The following UBXN2A variants were observed in gnomAD, a reference collection of about 807,000 sequenced individuals.
UBXN2A encodes the protein UBX domain protein 2A, also known as UBX domain-containing protein 2A.
In UBXN2A, 28 loss-of-function variants were observed where a neutral mutation model predicts 28.4. That is an observed-to-expected ratio of 0.99 (90% CI 0.73 to 1.35). The LOEUF (loss-of-function observed/expected upper bound fraction) is 1.35, where lower values mean the gene tolerates loss of function less well. Ranked by LOEUF, UBXN2A falls within the 40% of genes most tolerant of loss-of-function variation. The pLI, the probability that UBXN2A is intolerant of heterozygous loss-of-function variation, is 0.00. For synonymous variants in UBXN2A, 97 were observed against 103.6 expected (o/e 0.94, Z 0.39); for missense variants, 253 against 297.9 (o/e 0.85, Z 1.11).
At chr2:23,979,893 A>C (rs146571673) in intron 4 of UBXN2A, among the ~76,000 whole-genome samples, 136 of 152,122 alleles carry the variant, frequency 8.9e-4, no homozygotes, top group African/African-American at 3.1e-3. Context: ...TTTTACCACT[A>C]TGAAAAATAT....
intron 2 of UBXN2A, among the ~76,000 whole-genome samples, chr2:23,964,490 G>A (rs1327251728): frequency 2.0e-5 from 3 of 152,162 alleles, no homozygotes; most frequent in East Asian, 1.9e-4. Flanking sequence ...GATTACAGGC[G>A]TGAGCCACCA....
At position 23,962,265 on chromosome 2, in the gene UBXN2A, G is replaced by T. The variant is rs956985668; in HGVS notation, c.41+3910G>T. Among the ~76,000 whole-genome samples the T allele has an allele frequency of 3.3e-5, 5 of 152,304 alleles. 1 individual carries two copies. The South Asian group carries it at 6.2e-4, about 19-fold the overall frequency. ...AAATCTTTCACCCATATGAACAACA[G>T]CTAATTCATAACCTTATTTATGCAG... On this transcript the variant is annotated intron_variant, in intron 2 of 6. Coordinates refer to ENST00000309033, the MANE Select transcript of UBXN2A (RefSeq NM_181713.4).
intron 6 of UBXN2A, among the ~76,000 whole-genome samples, chr2:23,985,125 A>G (rs1708073529): frequency 6.6e-6 from 1 of 152,120 alleles, no homozygotes; most frequent in African/African-American, 2.4e-5. Flanking sequence ...TTTTGTAGAA[A>G]GGGAGTCTCA....
At chr2:23,933,849 G>A (rs1170511428) in intron 1 of UBXN2A, among the ~76,000 whole-genome samples, 1 of 152,222 alleles carries the variant, frequency 6.6e-6, no homozygotes, top group Non-Finnish European at 1.5e-5. Context: ...GGTGTAGGAT[G>A]CAATCCATGG....
At chr2:23,982,514 G>A (rs1441892442) in intron 4 of UBXN2A, among the ~76,000 whole-genome samples, 1 of 151,366 alleles carries the variant, frequency 6.6e-6, no homozygotes, top group Admixed American at 6.6e-5. Flanking sequence ...ACTCATGCTG[G>A]TTGGGGGGCA....
intron 1 of UBXN2A, among the ~76,000 whole-genome samples, chr2:23,953,950 A>G (rs1214107614): frequency 6.6e-6 from 1 of 152,216 alleles, no homozygotes; most frequent in African/African-American, 2.4e-5. Context: ...GTTAGCAGCC[A>G]TTGATATCAT....
intron 1 of UBXN2A, among the ~76,000 whole-genome samples, chr2:23,948,038 A>G (rs1706174366): frequency 6.6e-6 from 1 of 151,684 alleles, no homozygotes; most frequent in Non-Finnish European, 1.5e-5. Context: ...TGTTTTTAAT[A>G]GAGACAGGGT....
At chr2:23,984,877 A>C in intron 6 of UBXN2A, 46 bp downstream of exon 6, 1 of 1,524,832 alleles carries the variant, frequency 6.6e-7, no homozygotes, top group Non-Finnish European at 8.7e-7. Flanking sequence ...CCAAGTTAAA[A>C]TTTCATTTTT....
chr2:23,951,241 G>GC (rs1356395590), intron 1 of UBXN2A, among the ~76,000 whole-genome samples: 1 of 151,478 alleles, frequency 6.6e-6, no homozygotes, highest in Non-Finnish European at 1.5e-5. Flanking sequence ...AAAACAAACA[G>GC]CCCCACCAGA....
intron 4 of UBXN2A, among the ~76,000 whole-genome samples, chr2:23,982,354 A>AAGACTCC (rs1369465385): frequency 1.3e-5 from 2 of 151,986 alleles, no homozygotes; most frequent in African/African-American, 2.4e-5. Flanking sequence ...GCGACAGAGC[A>AAGACTCC]AGACTCCGTC....
At chr2:23,992,436 C>T (rs1243598914) in intron 6 of UBXN2A, among the ~76,000 whole-genome samples, 5 of 152,198 alleles carry the variant, frequency 3.3e-5, no homozygotes. Flanking sequence ...CTTAGCTTAG[C>T]CTGTTCGTTC....
At chr2:23,991,958 AT>A (rs1317804936) in intron 6 of UBXN2A, among the ~76,000 whole-genome samples, 3 of 150,952 alleles carry the variant, frequency 2.0e-5, no homozygotes, top group African/African-American at 7.3e-5. Flanking sequence ...CGCCTGGCTA[AT>A]TTTTGGGGTT....
At chr2:23,935,178 A>G (rs1293367857) in intron 1 of UBXN2A, among the ~76,000 whole-genome samples, 1 of 152,218 alleles carries the variant, frequency 6.6e-6, no homozygotes, top group South Asian at 2.1e-4. Context: ...GTATTTGGCA[A>G]TAGTTTCTTG....
At chr2:23,966,853 G>A (rs1323968679) in intron 2 of UBXN2A, among the ~76,000 whole-genome samples, 1 of 147,702 alleles carries the variant, frequency 6.8e-6, no homozygotes. Context: ...TCAGTTCACT[G>A]CAACCTTGGC....
chr2:23,984,673 T>A lies in UBXN2A; in HGVS notation c.426T>A (p.Ser142Arg), dbSNP rs1310108568. ...PFSGQGHRLG[S>R]ATPKIVSKAK... Reference sequence around the variant, plus strand: ...AACTTTGTTGTCTGGATTTCCTTAGTGCCACACCAAAAATTGTTTCTAAAG... The same window carrying A: ...AACTTTGTTGTCTGGATTTCCTTAGAGCCACACCAAAAATTGTTTCTAAAG... The change falls in exon 6 of 7, where the codon AGT (serine) becomes AGA (arginine). Residue 142 changes from serine to arginine, a missense_variant and splice_region_variant. Transcript: ENST00000309033. The A allele has an allele frequency of 6.6e-7, 1 of 1,516,384 alleles. No homozygotes were observed. The highest frequency in any genetic ancestry group is 8.8e-7 in the Non-Finnish European group (1 of 1,141,312). 93.9% of individuals were successfully genotyped at this position (1,516,384 alleles called of 1,614,324 possible). A position where few individuals can be genotyped will look rare whatever the true frequency, so the allele number is the denominator to read the frequency against.
Position 23,944,370 on chromosome 2 carries a change from A to G in UBXN2A, c.-15+3722A>G, listed in dbSNP as rs769135999. 11 of 1,446,420 alleles carry G rather than the reference A, an allele frequency of 7.6e-6. No individual in the cohort carries two copies. The African/African-American group carries it at 1.3e-4, about 17-fold the overall frequency. The allele number at this position is 1,446,420 out of a possible 1,614,324, so 89.6% of individuals were successfully genotyped here. A position where few individuals can be genotyped will look rare whatever the true frequency, so the allele number is the denominator to read the frequency against. ...TGTGTGAAGAACTGAGGTGACCAGC[A>G]TCATCTTCCTACACATTATTGTATT... On this transcript the variant is annotated intron_variant, in intron 1 of 6. Coordinates refer to ENST00000309033, the MANE Select transcript of UBXN2A (RefSeq NM_181713.4).
chr2:23,950,742 C>T (rs957634328), intron 1 of UBXN2A, among the ~76,000 whole-genome samples: 16 of 142,172 alleles, frequency 1.1e-4, no homozygotes, highest in Middle Eastern at 4.0e-3. Flanking sequence ...TTTGCTCTTA[C>T]GCCCAGGCTG....
At chr2:23,967,948 A>C (rs1308740489) in intron 2 of UBXN2A, among the ~76,000 whole-genome samples, 2 of 150,298 alleles carry the variant, frequency 1.3e-5, no homozygotes, top group East Asian at 3.9e-4. Context: ...TTTTTAAGAG[A>C]TGAGGTCTCA....
intron 6 of UBXN2A, among the ~76,000 whole-genome samples, chr2:23,995,050 T>C (rs1164458753): frequency 6.6e-6 from 1 of 152,340 alleles, no homozygotes; most frequent in Admixed American, 6.5e-5. Flanking sequence ...GTCGCTGTTT[T>C]CTGTTGGGTT....
Sources: gnomAD v4.1 joint callset for allele counts (sites outside exome capture counted in the v4.1 genomes callset) on GRCh38, gnomAD v4.1.1 for gene constraint, MANE v1.5 for transcripts, NCBI Gene and HGNC (gene_info 2026-07-23, HGNC 2026-07-21) for gene names.